Variants in SUGP1 observed in about 807,000 individuals in gnomAD.
SUGP1 encodes SURP and G-patch domain-containing protein 1.
In SUGP1, 34 loss-of-function variants were observed where a neutral mutation model predicts 76.5. The observed-to-expected ratio is 0.44, with a 90% CI of 0.34 to 0.59. The LOEUF (loss-of-function observed/expected upper bound fraction) is 0.59, where lower values mean the gene tolerates loss of function less well. Ranked by LOEUF, SUGP1 falls within the 20% of genes least tolerant of loss-of-function variation. The probability of loss-of-function intolerance (pLI) is 0.01; values close to 1 mark genes in which losing one functional copy is unlikely to be tolerated. For synonymous variants in SUGP1, 326 were observed against 326.2 expected (o/e 1.00, Z 0.01); for missense variants, 752 against 851.7 (o/e 0.88, Z 1.46).
In SUGP1 at chr19:19,291,254, G is replaced by A. The variant is rs553917401; in HGVS notation, c.1243+5735C>T. 1.4e-4 allele frequency among the ~76,000 whole-genome samples: 22 copies of A among 152,260 alleles called. No individual in the cohort carries two copies. The South Asian group carries it at 4.6e-3, about 32-fold the overall frequency. On this transcript the variant is annotated intron_variant, in intron 8 of 13. Coordinates refer to ENST00000247001, the MANE Select transcript of SUGP1 (RefSeq NM_172231.4). Reference sequence around the variant, plus strand: ...AGAAAATAGTAAAGTTTAGAGTGGAGATAAGAAAATGAGGACTATAAATAC... The same window carrying A: ...AGAAAATAGTAAAGTTTAGAGTGGAAATAAGAAAATGAGGACTATAAATAC...
chr19:19,276,788 A>C (rs1424633710), intron 13 of SUGP1, 114 bp from the exon 14 acceptor site: 12 of 1,560,316 alleles, frequency 7.7e-6, no homozygotes, highest in Non-Finnish European at 9.6e-6. Flanking sequence ...GTGGCAGGGC[A>C]GGCTTGGGGG....
At chr19:19,313,262 G>C (rs747153301) in intron 2 of SUGP1, among the ~76,000 whole-genome samples, 25 of 152,070 alleles carry the variant, frequency 1.6e-4, no homozygotes, top group Non-Finnish European at 2.9e-5. Flanking sequence ...GGGCGTGGTA[G>C]CGGGCACCTG....
intron 8 of SUGP1, among the ~76,000 whole-genome samples, chr19:19,290,986 G>A (rs1011258790): frequency 7.9e-5 from 12 of 151,800 alleles, no homozygotes; most frequent in Non-Finnish European, 1.5e-4. Context: ...GCGTGGGGGC[G>A]CCCACCTGTA....
intron 8 of SUGP1, among the ~76,000 whole-genome samples, chr19:19,284,543 G>T (rs2061124565): frequency 6.6e-6 from 1 of 152,076 alleles, no homozygotes; most frequent in Non-Finnish European, 1.5e-5. Context: ...CACTTTCTGT[G>T]AAGTAACTTT....
intron 7 of SUGP1, 139 bp from the exon 8 acceptor site, chr19:19,297,483 C>G (rs552927544): frequency 5.6e-5 from 31 of 549,986 alleles, no homozygotes; most frequent in Non-Finnish European, 8.9e-5. Flanking sequence ...CGGTCTCCAC[C>G]ATGACCTCCT....
rs745589783 is a variant in SUGP1 at position 19,278,762 on chromosome 19, G to GC, written c.1562dup (p.Lys522GlnfsTer28). 6.2e-7 allele frequency: 1 copy of GC among 1,614,006 alleles called. No individual in the cohort carries two copies. The highest frequency in any genetic ancestry group is 1.1e-5 in the South Asian group (1 of 91,040). On this transcript the variant is annotated frameshift_variant, in exon 11 of 14. Transcript: ENST00000247001. LOFTEE classifies it high-confidence loss of function. ...GCAGGAAGTCTCCGATGAAGTGCTT[G>GC]CCCCGGCCCATCTTTGTCAGCTGCT... is the stretch of plus-strand genomic sequence containing the variant.
At position 19,316,434 on chromosome 19, in the gene SUGP1, G is replaced by T; in HGVS notation, c.194C>A (p.Pro65Gln). 6.2e-7 allele frequency: 1 copy of T among 1,613,904 alleles called. No homozygotes were observed. Residue 65 changes from proline to glutamine, a missense_variant, in exon 2 of 14, where the codon CCA becomes CAA. By Grantham distance (76) the Pro-to-Gln change is moderately conservative. This residue lies in a region of SUGP1 where 620 missense variants were observed against 617.3 expected (regional missense o/e 1.00). Transcript: ENST00000247001. ...KQNQVASPQP[P>Q]HPGEITNAHN... Reference sequence around the variant, plus strand: ...AGCAGGCACTTACTCGCCAGGATGTGGGGGCTGAGGGCTGGCCACCTGATT... The same window carrying T: ...AGCAGGCACTTACTCGCCAGGATGTTGGGGCTGAGGGCTGGCCACCTGATT...
chr19:19,291,932 C>CACACACA (rs997755156), intron 8 of SUGP1, among the ~76,000 whole-genome samples: 1 of 143,586 alleles, frequency 7.0e-6, no homozygotes, highest in Non-Finnish European at 1.5e-5. Flanking sequence ...CACACACACA[C>CACACACA]AAAAGGGCCA....
At chr19:19,290,988 C>T (rs2061178722) in intron 8 of SUGP1, among the ~76,000 whole-genome samples, 1 of 149,524 alleles carries the variant, frequency 6.7e-6, no homozygotes, top group Non-Finnish European at 1.5e-5. Context: ...GTGGGGGCGC[C>T]CACCTGTAAT....
chr19:19,317,089 G>T (rs987189461), intron 1 of SUGP1, among the ~76,000 whole-genome samples: 4 of 150,474 alleles, frequency 2.7e-5, no homozygotes, highest in African/African-American at 9.8e-5. Context: ...AGTGAGCCGA[G>T]ATGGTGCCAC....
rs892190941 is a variant in SUGP1, at chr19:19,280,207, T to C, written c.1328A>G (p.Lys443Arg). The C allele has an allele frequency of 8.1e-6, 13 of 1,613,820 alleles. No homozygotes were observed. Among genetic ancestry groups the C allele is most frequent in the Non-Finnish European group, 1.1e-5 (13 of 1,179,944 alleles). Residue 443 changes from lysine (K) to arginine (R), a missense_variant, in exon 9 of 14, where the codon AAG (lysine) becomes AGG (arginine). Lys to Arg is a conservative substitution (Grantham distance 26, BLOSUM62 2). Coordinates refer to ENST00000247001, the MANE Select transcript of SUGP1 (RefSeq NM_172231.4). ...TACCTCCTGCTGCTCCTTCAGCTGC[T>C]TCTTCTGGGCGTCTGAAAGCTCTGT... ...GVTELSDAQK[K>R]QLKEQQEMQQ...
intron 3 of SUGP1, among the ~76,000 whole-genome samples, chr19:19,306,855 G>A (rs1427434871): frequency 6.6e-6 from 1 of 152,202 alleles, no homozygotes; most frequent in Non-Finnish European, 1.5e-5. Flanking sequence ...ACACTTTGGT[G>A]TCCAGAGGAC....
intron 3 of SUGP1, among the ~76,000 whole-genome samples, chr19:19,306,956 C>T (rs1361052193): frequency 6.6e-6 from 1 of 152,162 alleles, no homozygotes; most frequent in African/African-American, 2.4e-5. Context: ...TGGTGGGGAG[C>T]AGCATCATGA....
intron 8 of SUGP1, among the ~76,000 whole-genome samples, chr19:19,283,207 C>T (rs1221820275): frequency 6.6e-6 from 1 of 152,158 alleles, no homozygotes; most frequent in African/African-American, 2.4e-5. Flanking sequence ...CTTATGCACA[C>T]AGACTGTACA....
chr19:19,278,879 G>T, intron 10 of SUGP1, 83 bp from the exon 11 acceptor site: 1 of 1,426,968 alleles, frequency 7.0e-7, no homozygotes, highest in Admixed American at 2.0e-5. Context: ...GCACAGGTAT[G>T]AGGCTCAGTG....
chr19:19,297,770 C>T (rs1381273259), intron 7 of SUGP1, among the ~76,000 whole-genome samples: 2 of 152,234 alleles, frequency 1.3e-5, no homozygotes, highest in Non-Finnish European at 2.9e-5. Context: ...TTCTCAAATG[C>T]ATCTTTGAGA....
rs778596406 is a variant in SUGP1 at position 19,277,035 on chromosome 19, C to T, written c.1823G>A (p.Arg608Gln). 4.3e-6 allele frequency: 7 copies of T among 1,612,408 alleles called. No individual in the cohort carries two copies. Among genetic ancestry groups the T allele is most frequent in the South Asian group, 3.3e-5 (3 of 91,038 alleles). Reference protein sequence around the residue: ...TVDGAGFGIDRPAELSKEDDE... With the variant: ...TVDGAGFGIDQPAELSKEDDE... Reference sequence around the variant, plus strand: ...GTCCTCCTTGGAGAGCTCCGCCGGCCGGTCAATGCCGAAGCCAGCGCCGTC... The same window carrying T: ...GTCCTCCTTGGAGAGCTCCGCCGGCTGGTCAATGCCGAAGCCAGCGCCGTC... Residue 608 changes from arginine (R) to glutamine (Q), a missense_variant, in exon 13 of 14, where the codon CGG becomes CAG. Arg to Gln is a conservative substitution (Grantham distance 43). Transcript: ENST00000247001.
Position 19,310,171 on chromosome 19 carries a change from A to G in SUGP1, c.236T>C (p.Ile79Thr), listed in dbSNP as rs2061343713. 1.2e-6 allele frequency: 2 copies of G among 1,613,614 alleles called. No homozygotes were observed. Among genetic ancestry groups the G allele is most frequent in the African/African-American group, 2.7e-5 (2 of 74,926 alleles). The change falls in exon 3 of 14, where the codon ATT (isoleucine) becomes ACT (threonine). Residue 79 changes from isoleucine to threonine, a missense_variant. This residue lies in a region of SUGP1 where 620 missense variants were observed against 617.3 expected (regional missense o/e 1.00). Coordinates refer to ENST00000247001, the MANE Select transcript of SUGP1 (RefSeq NM_172231.4). ...EITNAHNSSCISNKFANDGSF... is the reference protein window; with the variant it reads ...EITNAHNSSCTSNKFANDGSF... ...ACCATCGTTGGCAAACTTGTTGGAA[A>G]TGCAGGAAGAGTTGTGTGCATTTGT...
At chr19:19,283,018 A>C (rs1404284626) in intron 8 of SUGP1, among the ~76,000 whole-genome samples, 1 of 151,736 alleles carries the variant, frequency 6.6e-6, no homozygotes, top group Non-Finnish European at 1.5e-5. Context: ...TGGAGATTGC[A>C]GTGAGCCAAG....
Sources: allele counts gnomAD v4.1 joint callset (sites outside exome capture counted in the v4.1 genomes callset), GRCh38; gene constraint gnomAD v4.1.1; regional missense constraint gnomAD v4.1.1; transcripts MANE v1.5; gene names NCBI Gene and HGNC (gene_info 2026-07-23, HGNC 2026-07-21).